Variants in URB1 observed in about 807,000 individuals in gnomAD.
The protein encoded by URB1 is URB1 ribosome biogenesis factor.
Under a neutral mutation model 242.3 loss-of-function variants are expected in URB1, and 197 were observed. The observed-to-expected ratio is 0.81, with a 90% CI of 0.72 to 0.91. The LOEUF is 0.91. Among genes scored for constraint, URB1 ranks in the 40% least tolerant of loss-of-function variants. The pLI, the probability that URB1 is intolerant of heterozygous loss-of-function variation, is 0.00. For synonymous variants in URB1, 1,153 were observed against 1,201.8 expected, an observed-to-expected ratio of 0.96 and a Z score of 0.84; for missense variants, 2,721 against 2,860.5, an observed-to-expected ratio of 0.95 and a Z score of 1.11.
At chr21:32,328,198 C>A (rs1254576981) in intron 30 of URB1, among the ~76,000 whole-genome samples, 1 of 152,228 alleles carries the variant, frequency 6.6e-6, no homozygotes, top group Non-Finnish European at 1.5e-5. Flanking sequence ...AGTGCAGTGG[C>A]ACAATCTTGG....
At chr21:32,337,294 C>A in intron 27 of URB1, 110 bp downstream of exon 27, 1 of 1,346,282 alleles carries the variant, frequency 7.4e-7, no homozygotes, top group South Asian at 1.3e-5. Context: ...CGCCTGGTCT[C>A]ACTGTCTCCT....
chr21:32,391,915 T>G (rs1295235226), intron 1 of URB1, among the ~76,000 whole-genome samples: 1 of 151,132 alleles, frequency 6.6e-6, no homozygotes, highest in Admixed American at 6.6e-5. Context: ...TCTCAGCTAC[T>G]TGGGAGGCTG....
intron 10 of URB1, among the ~76,000 whole-genome samples, chr21:32,364,559 A>G (rs762368433): frequency 6.6e-6 from 1 of 152,188 alleles, no homozygotes; most frequent in Non-Finnish European, 1.5e-5. Context: ...AATCAGGACT[A>G]CAGGAACTAT....
intron 22 of URB1, among the ~76,000 whole-genome samples, chr21:32,346,723 C>T (rs2033089615): frequency 6.6e-6 from 1 of 152,182 alleles, no homozygotes; most frequent in Admixed American, 6.5e-5. Flanking sequence ...GAACTCAGAC[C>T]TGATGGGGCA....
rs1285615810 is a variant in URB1, at chr21:32,392,267, T to A, written c.142+502A>T. 3.9e-5 allele frequency among the ~76,000 whole-genome samples: 6 copies of A among 152,282 alleles called. No individual in the cohort carries two copies. In the South Asian group the frequency reaches 1.2e-3, roughly 32 times the overall value. ...AATTATAGAGTCGGCTACATCTCAG[T>A]CACTGGCCCATTCCTGGTCAACTGA... On this transcript the variant is annotated intron_variant, in intron 1 of 38. Coordinates refer to ENST00000382751, the MANE Select transcript of URB1 (RefSeq NM_014825.3).
chr21:32,311,818 G>C lies in URB1; in HGVS notation c.*3100C>G. ...GCTCAGGCGAGCTCAGTGGAGCCAGGGAGCAGAACTGGCCCTGACCAGCCG... is the reference window on the plus strand; with the variant it reads ...GCTCAGGCGAGCTCAGTGGAGCCAGCGAGCAGAACTGGCCCTGACCAGCCG... On this transcript the variant is annotated 3_prime_UTR_variant, in exon 39 of 39. Transcript: ENST00000382751. The C allele has an allele frequency of 1.9e-6, 3 of 1,614,024 alleles. No individual in the cohort carries two copies. Among genetic ancestry groups the C allele is most frequent in the Non-Finnish European group, 2.5e-6 (3 of 1,180,038 alleles).
intron 1 of URB1, among the ~76,000 whole-genome samples, chr21:32,385,887 C>A (rs767255427): frequency 2.6e-5 from 4 of 152,180 alleles, no homozygotes; most frequent in Non-Finnish European, 4.4e-5. Context: ...CGCGGTGGCT[C>A]ACGCCTGTAA....
chr21:32,376,020 C>T (rs947220491), intron 5 of URB1, among the ~76,000 whole-genome samples: 11 of 152,062 alleles, frequency 7.2e-5, no homozygotes, highest in Non-Finnish European at 2.9e-5. Context: ...CACCTACAAG[C>T]GAACCAATGA....
chr21:32,377,239 A>G (rs747675210), intron 5 of URB1: 1 of 518,880 alleles, frequency 1.9e-6, no homozygotes, highest in African/African-American at 1.9e-5. Context: ...AGGCCAGGCA[A>G]TGGTTCAGGG....
At chr21:32,375,335 C>T (rs576572249) in intron 6 of URB1, 63 bp downstream of exon 6, 42 of 1,065,528 alleles carry the variant, frequency 3.9e-5, no homozygotes, top group South Asian at 2.1e-4. Flanking sequence ...TGTAAAACAC[C>T]GGAGAATATC....
At chr21:32,326,296 T>C (rs931573207) in intron 30 of URB1, among the ~76,000 whole-genome samples, 24 of 152,240 alleles carry the variant, frequency 1.6e-4, no homozygotes, top group African/African-American at 5.1e-4. Flanking sequence ...AGTGGCCTAA[T>C]TGGGAACCAA....
Position 32,352,891 on chromosome 21 carries a change from G to C in URB1, c.2432C>G (p.Thr811Arg). 1 of 1,548,218 alleles carries C rather than the reference G, an allele frequency of 6.5e-7. No individual in the cohort carries two copies. Among genetic ancestry groups the C allele is most frequent in the South Asian group, 1.2e-5 (1 of 83,734 alleles). ...GTCAGTCAGCACTGCCGTCAGATATGTCACAACGTTTTCCGCTGCAAAGGA... is the reference window on the plus strand; with the variant it reads ...GTCAGTCAGCACTGCCGTCAGATATCTCACAACGTTTTCCGCTGCAAAGGA... Reference protein sequence around the residue: ...TGNEAAENVVTYLTAVLTDLL... With the variant: ...TGNEAAENVVRYLTAVLTDLL... Residue 811 changes from threonine (T) to arginine (R), a missense_variant, in exon 19 of 39, where the codon ACA becomes AGA. Physicochemically the swap from Thr to Arg is moderately conservative, Grantham distance 71. Coordinates refer to ENST00000382751, the MANE Select transcript of URB1 (RefSeq NM_014825.3).
intron 20 of URB1, among the ~76,000 whole-genome samples, chr21:32,350,346 G>A (rs1430721384): frequency 6.6e-6 from 1 of 152,190 alleles, no homozygotes; most frequent in Non-Finnish European, 1.5e-5. Context: ...AGAGGTTGGA[G>A]GGTGGCTTGA....
chr21:32,363,669 A>AC (rs1568825963), intron 10 of URB1, among the ~76,000 whole-genome samples: 2 of 148,900 alleles, frequency 1.3e-5, no homozygotes, highest in African/African-American at 4.9e-5. Flanking sequence ...CTCTGCCACT[A>AC]TTTTTTTTTT....
At chr21:32,330,795 C>T (rs1229803282) in intron 30 of URB1, among the ~76,000 whole-genome samples, 2 of 152,192 alleles carry the variant, frequency 1.3e-5, no homozygotes, top group East Asian at 3.9e-4. Context: ...TTAAGATATC[C>T]ATTTGCTATT....
At chr21:32,345,697 C>G (rs772404086) in intron 22 of URB1, 122 bp from the exon 23 acceptor site, 1 of 1,051,624 alleles carries the variant, frequency 9.5e-7, no homozygotes, top group Non-Finnish European at 1.3e-6. Context: ...GATGCCACAC[C>G]GGTGGCCTGA....
chr21:32,363,209 TG>T lies in URB1; in HGVS notation c.1455del (p.Tyr485Ter). The T allele has an allele frequency of 6.4e-7, 1 of 1,552,082 alleles. No individual in the cohort carries two copies. Among genetic ancestry groups the T allele is most frequent in the South Asian group, 1.2e-5 (1 of 84,068 alleles). On this transcript the variant is annotated frameshift_variant, in exon 11 of 39. Transcript: ENST00000382751. LOFTEE classifies it high-confidence loss of function. Reference sequence around the variant, plus strand: ...ACGAATTCTTCCATCATCACAGCTGTGTACACGCCTGATTCCTGCCACACCT... The same window carrying T: ...ACGAATTCTTCCATCATCACAGCTGTTACACGCCTGATTCCTGCCACACCT... ...NKEVWQESGV[Y>X]TAVMMEEFVQ...
rs1266024156 is a variant in URB1 at position 32,382,611 on chromosome 21, G to A, written c.567+811C>T. 4.6e-5 allele frequency among the ~76,000 whole-genome samples: 7 copies of A among 152,246 alleles called. No homozygotes were observed. In the East Asian group the frequency reaches 1.4e-3, roughly 29 times the overall value. ...ATGTGGTTCTCCACCGCAGCAGATG[G>A]GATGGACTGATACCTGTCCCCTTAT... is the stretch of plus-strand genomic sequence containing the variant. On this transcript the variant is annotated intron_variant, in intron 4 of 38. Coordinates refer to ENST00000382751, the MANE Select transcript of URB1 (RefSeq NM_014825.3).
Position 32,317,694 on chromosome 21 carries a change from G to A in URB1, c.6016C>T (p.Gln2006Ter), listed in dbSNP as rs2032708891. Residue 2006 changes from glutamine (Q) to a stop codon, truncating the protein, a stop_gained, in exon 37 of 39, where the codon CAA becomes TAA. Coordinates refer to ENST00000382751, the MANE Select transcript of URB1 (RefSeq NM_014825.3). LOFTEE classifies it high-confidence loss of function. ...EDLRAAIEKA[Q>*]ARELMKMLKD... ...CACTCACTCATGAGCTCCCGGGCTT[G>A]GGCCTTCTCAATGGCTGCTCTCAGG... 1 of 1,551,742 alleles carries A rather than the reference G, an allele frequency of 6.4e-7. No individual in the cohort carries two copies.
Sources: gnomAD v4.1 joint callset for allele counts (sites outside exome capture counted in the v4.1 genomes callset) on GRCh38, gnomAD v4.1.1 for gene constraint, MANE v1.5 for transcripts, NCBI Gene and HGNC (gene_info 2026-07-23, HGNC 2026-07-21) for gene names.